OTOP1: variants seen among roughly 807,000 people sequenced by gnomAD.
OTOP1 encodes the protein otopetrin 1.
A neutral mutation model predicts 52.9 loss-of-function variants in OTOP1; 59 were observed. That is an observed-to-expected ratio of 1.12 (90% CI 0.91 to 1.39). The LOEUF is 1.39. Ranked by LOEUF, OTOP1 falls within the 40% of genes most tolerant of loss-of-function variation. The probability of loss-of-function intolerance (pLI) is 0.00; values close to 1 mark genes in which losing one functional copy is unlikely to be tolerated. For synonymous variants in OTOP1, 317 were observed against 337.7 expected, an observed-to-expected ratio of 0.94 and a Z score of 0.67; for missense variants, 761 against 800.9, an observed-to-expected ratio of 0.95 and a Z score of 0.60.
At chr4:4,218,152 G>GA (rs1717188867) in intron 1 of OTOP1, among the ~76,000 whole-genome samples, 2 of 152,066 alleles carry the variant, frequency 1.3e-5, no homozygotes, top group Non-Finnish European at 2.9e-5. Flanking sequence ...AGTGCTTTGG[G>GA]AGGCCGAGGC....
intron 1 of OTOP1, among the ~76,000 whole-genome samples, chr4:4,217,964 T>C (rs1345451927): frequency 6.6e-6 from 1 of 152,024 alleles, no homozygotes; most frequent in Non-Finnish European, 1.5e-5. Context: ...ATTAGATTAA[T>C]AGGAGAGAAA....
chr4:4,224,280 G>A (rs62286904), intron 1 of OTOP1, among the ~76,000 whole-genome samples: 8,905 of 151,752 alleles, frequency 0.059, 395 homozygotes, highest in Non-Finnish European at 0.094. Context: ...CCGGGAGGTG[G>A]AGGTTGCAGT....
At chr4:4,204,609 C>T (rs534467795) in intron 3 of OTOP1, among the ~76,000 whole-genome samples, 12 of 152,248 alleles carry the variant, frequency 7.9e-5, no homozygotes, top group African/African-American at 2.6e-4. Context: ...GTCATTTTCT[C>T]ATGCCAGGCT....
At chr4:4,189,650 T>A (rs1183256830) in intron 5 of OTOP1, among the ~76,000 whole-genome samples, 5 of 152,184 alleles carry the variant, frequency 3.3e-5, no homozygotes, top group Non-Finnish European at 7.3e-5. Context: ...ACACAGGAAG[T>A]CACTTCTGAA....
At chr4:4,210,672 A>G (rs1717006097) in intron 2 of OTOP1, among the ~76,000 whole-genome samples, 1 of 152,150 alleles carries the variant, frequency 6.6e-6, no homozygotes, top group African/African-American at 2.4e-5. Context: ...CTTTACTAAA[A>G]ATACAAAAAT....
chr4:4,202,330 G>A, intron 4 of OTOP1, 118 bp downstream of exon 4: 3 of 1,417,016 alleles, frequency 2.1e-6, no homozygotes, highest in South Asian at 2.4e-5. Context: ...CTGATGCTGA[G>A]TTGGGTGGCC....
chr4:4,219,850 T>C (rs1197077884), intron 1 of OTOP1, among the ~76,000 whole-genome samples: 2 of 140,176 alleles, frequency 1.4e-5, no homozygotes, highest in Admixed American at 7.2e-5. Flanking sequence ...TATATACACA[T>C]ATACATGTAT....
At chr4:4,218,317 G>A (rs1422143453) in intron 1 of OTOP1, among the ~76,000 whole-genome samples, 3 of 151,808 alleles carry the variant, frequency 2.0e-5, no homozygotes, top group African/African-American at 4.8e-5. Flanking sequence ...GTGTGAACCC[G>A]GGAGGCAGAG....
intron 2 of OTOP1, among the ~76,000 whole-genome samples, chr4:4,211,986 C>CA (rs1423133789): frequency 6.6e-6 from 1 of 151,516 alleles, no homozygotes; most frequent in East Asian, 1.9e-4. Flanking sequence ...TTACCATACC[C>CA]AAAAAAAGAA....
At chr4:4,199,508 T>C (rs1427458342) in intron 4 of OTOP1, among the ~76,000 whole-genome samples, 1 of 151,980 alleles carries the variant, frequency 6.6e-6, no homozygotes, top group Non-Finnish European at 1.5e-5. Context: ...CAGACTTCTG[T>C]GCTCAAGCAT....
intron 3 of OTOP1, among the ~76,000 whole-genome samples, chr4:4,203,981 G>A (rs761239592): frequency 1.3e-5 from 2 of 152,186 alleles, no homozygotes; most frequent in African/African-American, 2.4e-5. Context: ...CAAAGAAGCT[G>A]GGTCTTGGAA....
chr4:4,199,575 G>A (rs1466501591), intron 4 of OTOP1, among the ~76,000 whole-genome samples: 1 of 152,010 alleles, frequency 6.6e-6, no homozygotes, highest in East Asian at 1.9e-4. Flanking sequence ...ACCACGCCCG[G>A]CTAATTTTTA....
At chr4:4,213,189 T>C (rs1717062598) in intron 1 of OTOP1, among the ~76,000 whole-genome samples, 185 bp from the exon 2 acceptor site, 1 of 152,242 alleles carries the variant, frequency 6.6e-6, no homozygotes, top group African/African-American at 2.4e-5. Flanking sequence ...GTGGGAAAAC[T>C]GGATGTCCAC....
At chr4:4,203,861 C>G (rs1244294522) in intron 3 of OTOP1, among the ~76,000 whole-genome samples, 1 of 152,176 alleles carries the variant, frequency 6.6e-6, no homozygotes, top group East Asian at 1.9e-4. Flanking sequence ...GGGTGGGTCC[C>G]CTGCCTGGCT....
intron 2 of OTOP1, among the ~76,000 whole-genome samples, chr4:4,209,869 A>C (rs997555802): frequency 7.2e-5 from 11 of 151,834 alleles, no homozygotes; most frequent in African/African-American, 2.4e-4. Context: ...ACCCTACCCC[A>C]CTGTGAAGAA....
chr4:4,202,917 C>G (rs1316066996), intron 3 of OTOP1, among the ~76,000 whole-genome samples: 1 of 152,132 alleles, frequency 6.6e-6, no homozygotes, highest in Non-Finnish European at 1.5e-5. Flanking sequence ...CACCCCAAAT[C>G]TTTTTCCCAG....
At chr4:4,219,495 A>T (rs554521124) in intron 1 of OTOP1, among the ~76,000 whole-genome samples, 178 of 151,816 alleles carry the variant, frequency 1.2e-3, no homozygotes, top group African/African-American at 3.7e-3. Context: ...ATGTCGGGAG[A>T]TCGAGACCAT....
intron 4 of OTOP1, among the ~76,000 whole-genome samples, chr4:4,200,300 C>T (rs371055694): frequency 3.9e-5 from 6 of 152,024 alleles, no homozygotes; most frequent in South Asian, 2.1e-4. Context: ...CTGAGACCAT[C>T]CTGGCTCTAC....
intron 1 of OTOP1, among the ~76,000 whole-genome samples, chr4:4,220,233 T>C (rs945022215): frequency 7.9e-5 from 12 of 151,090 alleles, no homozygotes; most frequent in South Asian, 2.1e-4. Flanking sequence ...CTCCCTGCTT[T>C]ATATATTTAA....
Sources: allele counts gnomAD v4.1 joint callset (sites outside exome capture counted in the v4.1 genomes callset), GRCh38; gene constraint gnomAD v4.1.1; transcripts MANE v1.5; gene names NCBI Gene and HGNC (gene_info 2026-07-23, HGNC 2026-07-21).